Variants in STAG1 observed in about 807,000 individuals in gnomAD.
STAG1 encodes cohesin subunit SA-1.
In STAG1, 26 loss-of-function variants were observed where a neutral mutation model predicts 170.9. The observed-to-expected ratio is 0.15, with a 90% CI of 0.11 to 0.21. STAG1 has a LOEUF of 0.21. STAG1 is among the 10% of genes least tolerant of loss of function. The pLI, the probability that STAG1 is intolerant of heterozygous loss-of-function variation, is 1.00. For synonymous variants in STAG1, 514 were observed against 497.7 expected (o/e 1.03, Z -0.44); for missense variants, 964 against 1,509.5 (o/e 0.64, Z 5.99).
intron 3 of STAG1, chr3:136,609,298 T>C (rs755060573): frequency 1.3e-5 from 2 of 151,758 alleles, no homozygotes; most frequent in Admixed American, 6.6e-5. Context: ...GGCGAAACCC[T>C]GTCTAGACAA....
Position 136,369,165 on chromosome 3 carries a change from G to A in STAG1, c.2488C>T (p.Leu830Phe). The A allele has an allele frequency of 1.9e-6, 3 of 1,598,336 alleles. No homozygotes were observed. The highest frequency in any genetic ancestry group is 1.7e-4 in the Middle Eastern group (1 of 6,020). Residue 830 changes from leucine (L) to phenylalanine (F), a missense_variant, in exon 24 of 34, where the codon CTC becomes TTC. Coordinates refer to ENST00000383202, the MANE Select transcript of STAG1 (RefSeq NM_005862.3). ...NPDTGLQSEL[L>F]SFVMDHVFID... ...AAAACGTGATCCATCACAAAACTGA[G>A]GAGTTCAGATTGGAGTCCAGTATCT...
intron 9 of STAG1, among the ~76,000 whole-genome samples, chr3:136,487,249 G>A (rs2090036388): frequency 6.6e-6 from 1 of 152,104 alleles, no homozygotes; most frequent in Non-Finnish European, 1.5e-5. Context: ...CTGTTCCTGT[G>A]TTAGTTTGCT....
intron 14 of STAG1, among the ~76,000 whole-genome samples, chr3:136,451,000 C>A (rs1411918154): frequency 6.6e-6 from 1 of 152,066 alleles, no homozygotes; most frequent in Non-Finnish European, 1.5e-5. Flanking sequence ...CTGCCCACCT[C>A]GGCCTCCCAA....
intron 1 of STAG1, among the ~76,000 whole-genome samples, chr3:136,636,708 A>G (rs1940576640): frequency 6.6e-6 from 1 of 152,212 alleles, no homozygotes. Context: ...CTAAACAAAC[A>G]CCAAAACATT....
intron 5 of STAG1, among the ~76,000 whole-genome samples, chr3:136,562,982 A>G (rs1161537865): frequency 1.3e-5 from 2 of 152,210 alleles, no homozygotes; most frequent in African/African-American, 4.8e-5. Context: ...ATGTTTCTTC[A>G]TGAGTAGATT....
chr3:136,559,538 AT>A (rs1294139568), intron 5 of STAG1, among the ~76,000 whole-genome samples: 1 of 152,184 alleles, frequency 6.6e-6, no homozygotes, highest in East Asian at 1.9e-4. Flanking sequence ...GAATTGGGGT[AT>A]TTATACACTA....
At chr3:136,694,601 C>T (rs561550186) in intron 1 of STAG1, among the ~76,000 whole-genome samples, 196 of 150,206 alleles carry the variant, frequency 1.3e-3, no homozygotes, top group Middle Eastern at 3.4e-3. Flanking sequence ...GAGTGAGATG[C>T]TCCCATCTCT....
At chr3:136,660,354 T>C (rs989716476) in intron 1 of STAG1, among the ~76,000 whole-genome samples, 3 of 152,176 alleles carry the variant, frequency 2.0e-5, no homozygotes, top group East Asian at 1.9e-4. Context: ...TGGCCCACAA[T>C]TGAAGAAAAA....
At chr3:136,389,829 T>C (rs2086960389) in intron 22 of STAG1, among the ~76,000 whole-genome samples, 1 of 149,842 alleles carries the variant, frequency 6.7e-6, no homozygotes, top group African/African-American at 2.4e-5. Flanking sequence ...CTTATGCTAT[T>C]TTTTTTTCTT....
At chr3:136,655,863 G>C (rs1383258965) in intron 1 of STAG1, among the ~76,000 whole-genome samples, 2 of 151,930 alleles carry the variant, frequency 1.3e-5, no homozygotes, top group Non-Finnish European at 2.9e-5. Context: ...AAAAAAATAT[G>C]GTGTTTCCTC....
chr3:136,356,388 T>C (rs1936654596), intron 28 of STAG1, among the ~76,000 whole-genome samples: 1 of 152,130 alleles, frequency 6.6e-6, no homozygotes, highest in Admixed American at 6.6e-5. Flanking sequence ...ATTTAAAAAA[T>C]CGACTGATTG....
At chr3:136,709,513 C>T (rs1190289145) in intron 1 of STAG1, among the ~76,000 whole-genome samples, 3 of 151,510 alleles carry the variant, frequency 2.0e-5, no homozygotes, top group African/African-American at 7.3e-5. Flanking sequence ...GGCAGGAGGA[C>T]TGCTTGAGGT....
At chr3:136,716,814 A>G (rs1203697296) in intron 1 of STAG1, among the ~76,000 whole-genome samples, 1 of 152,256 alleles carries the variant, frequency 6.6e-6, no homozygotes, top group East Asian at 1.9e-4. Context: ...GGTGGTAAAA[A>G]GAAGCATAAA....
intron 14 of STAG1, among the ~76,000 whole-genome samples, chr3:136,444,699 G>A (rs1392126780): frequency 1.3e-5 from 2 of 152,174 alleles, no homozygotes; most frequent in African/African-American, 4.8e-5. Context: ...GCTTGTACTT[G>A]TCAGAGAAAA....
intron 22 of STAG1, 112 bp from the exon 23 acceptor site, chr3:136,377,864 T>C (rs1937692476): frequency 3.7e-6 from 3 of 807,082 alleles, no homozygotes; most frequent in Non-Finnish European, 6.2e-6. Context: ...AGGAAATTCA[T>C]ATAACCAAAT....
intron 19 of STAG1, among the ~76,000 whole-genome samples, chr3:136,421,380 GAA>G (rs769290453): frequency 3.3e-5 from 5 of 152,210 alleles, no homozygotes; most frequent in Non-Finnish European, 4.4e-5. Flanking sequence ...ACATGACTTT[GAA>G]AAGTTTTCTG....
intron 13 of STAG1, among the ~76,000 whole-genome samples, chr3:136,462,341 A>G (rs920145414): frequency 2.6e-5 from 4 of 152,214 alleles, no homozygotes; most frequent in African/African-American, 4.8e-5. Context: ...ATATATACAC[A>G]ATGGAATACT....
At chr3:136,478,407 C>A (rs2089817462) in intron 9 of STAG1, among the ~76,000 whole-genome samples, 1 of 152,170 alleles carries the variant, frequency 6.6e-6, no homozygotes, top group African/African-American at 2.4e-5. Flanking sequence ...AATGTTAACA[C>A]TTTTATAATC....
intron 1 of STAG1, among the ~76,000 whole-genome samples, chr3:136,702,099 G>GACAGAGAGAC (rs1374318950): frequency 9.8e-6 from 1 of 101,804 alleles, no homozygotes; most frequent in African/African-American, 5.5e-5. Context: ...GAGAGAGAGA[G>GACAGAGAGAC]AGAGAGAGAG....
Sources: gnomAD v4.1 joint callset for allele counts (sites outside exome capture counted in the v4.1 genomes callset) on GRCh38, gnomAD v4.1.1 for gene constraint, MANE v1.5 for transcripts, NCBI Gene and HGNC (gene_info 2026-07-23, HGNC 2026-07-21) for gene names.